Variants in MTCL3 observed in about 807,000 individuals in gnomAD.
MTCL3 encodes MTCL family member 3.
chr6:127,508,995 TACATG>T, the MTCL3 span, among the ~76,000 whole-genome samples: 4 of 152,240 alleles, frequency 2.6e-5, no homozygotes, highest in Non-Finnish European at 5.9e-5. Context: ...AGTTGTTGTT[TACATG>T]ACATAACTTT....
chr6:127,498,175 A>G, the MTCL3 span, among the ~76,000 whole-genome samples: 1 of 152,256 alleles, frequency 6.6e-6, no homozygotes, highest in Non-Finnish European at 1.5e-5. Flanking sequence ...AGAAGAAAAC[A>G]TTTTCAAATC....
the MTCL3 span, chr6:127,516,599 T>C: frequency 6.3e-7 from 1 of 1,596,592 alleles, no homozygotes; most frequent in Non-Finnish European, 8.5e-7. Flanking sequence ...GCGCCCCCGA[T>C]TGGTGGCTGA....
chr6:127,499,533 A>G, the MTCL3 span, among the ~76,000 whole-genome samples: 2 of 152,380 alleles, frequency 1.3e-5, no homozygotes, highest in African/African-American at 2.4e-5. Flanking sequence ...TATCAAATCT[A>G]TAATACAAGA....
the MTCL3 span, among the ~76,000 whole-genome samples, chr6:127,486,734 TAGAG>T: frequency 6.6e-6 from 1 of 152,146 alleles, no homozygotes; most frequent in East Asian, 1.9e-4. Context: ...GGCCAGGAAT[TAGAG>T]AGTTTTGCCA....
chr6:127,514,883 G>A, the MTCL3 span: 15 of 1,614,018 alleles, frequency 9.3e-6, no homozygotes, highest in African/African-American at 2.0e-4. Context: ...TCTGGGCGTA[G>A]CGGAGCCTTT....
At chr6:127,499,189 A>G in the MTCL3 span, among the ~76,000 whole-genome samples, 1 of 152,202 alleles carries the variant, frequency 6.6e-6, no homozygotes, top group Non-Finnish European at 1.5e-5. Context: ...AGATAGCGTT[A>G]GAAAATATTG....
At chr6:127,495,885 A>T in the MTCL3 span, among the ~76,000 whole-genome samples, 3 of 152,146 alleles carry the variant, frequency 2.0e-5, no homozygotes, top group African/African-American at 7.2e-5. Context: ...GAACGGGTAA[A>T]GTTGGGTCTA....
At chr6:127,501,634 G>A in the MTCL3 span, among the ~76,000 whole-genome samples, 1 of 152,194 alleles carries the variant, frequency 6.6e-6, no homozygotes, top group Non-Finnish European at 1.5e-5. Context: ...CTAGCCAGCA[G>A]ATCAATGTAG....
chr6:127,475,747 T>C, the MTCL3 span: 1 of 1,601,314 alleles, frequency 6.2e-7, no homozygotes, highest in South Asian at 1.1e-5. The surrounding 1 kb of genome is among the most constrained non-coding windows in gnomAD (Gnocchi z 7.3). Flanking sequence ...GTCGCTCTCC[T>C]TCTTGCCCGC....
chr6:127,509,675 A>G, the MTCL3 span, among the ~76,000 whole-genome samples: 1 of 152,168 alleles, frequency 6.6e-6, no homozygotes, highest in Non-Finnish European at 1.5e-5. Context: ...TCACCAAATT[A>G]ACCAAGTTGG....
chr6:127,480,197 C>T, the MTCL3 span, among the ~76,000 whole-genome samples: 1 of 152,206 alleles, frequency 6.6e-6, no homozygotes, highest in South Asian at 2.1e-4. Context: ...AAATTGCATT[C>T]TAATCGATTA....
chr6:127,513,153 G>T, the MTCL3 span: 1 of 1,029,256 alleles, frequency 9.7e-7, no homozygotes, highest in Non-Finnish European at 1.4e-6. Flanking sequence ...TTTATATGGT[G>T]TTTACCATGT....
the MTCL3 span, among the ~76,000 whole-genome samples, chr6:127,479,851 G>A: frequency 1.3e-5 from 2 of 152,150 alleles, no homozygotes; most frequent in Non-Finnish European, 2.9e-5. Flanking sequence ...TCCTGATCTT[G>A]TAACCCAACT....
chr6:127,515,749 C>G, the MTCL3 span: 1 of 1,599,254 alleles, frequency 6.3e-7, no homozygotes, highest in South Asian at 1.1e-5. This position sits in a 1 kb window ranked among gnomAD's most constrained non-coding sequence, Gnocchi z 4.3. Flanking sequence ...CGGGGAGCTG[C>G]GGCTACTGCT....
the MTCL3 span, chr6:127,516,011 G>T: frequency 2.5e-6 from 4 of 1,590,968 alleles, no homozygotes; most frequent in Non-Finnish European, 3.4e-6. Flanking sequence ...TGCTGAGCGC[G>T]TACGCCTTTC....
chr6:127,518,060 C>T, the MTCL3 span, among the ~76,000 whole-genome samples: 2 of 152,180 alleles, frequency 1.3e-5, no homozygotes, highest in Admixed American at 1.3e-4. Flanking sequence ...AATCCACCTC[C>T]CTTTCTGTTT....
chr6:127,487,499 C>G, the MTCL3 span, among the ~76,000 whole-genome samples: 3 of 152,160 alleles, frequency 2.0e-5, no homozygotes, highest in African/African-American at 7.2e-5. Flanking sequence ...AAGGTAGAAG[C>G]TCTGTCTCCA....
the MTCL3 span, among the ~76,000 whole-genome samples, chr6:127,513,618 T>G: frequency 6.6e-6 from 1 of 152,230 alleles, no homozygotes; most frequent in Non-Finnish European, 1.5e-5. Context: ...ATTTTTTGAA[T>G]GACTGTGCAT....
the MTCL3 span, chr6:127,475,210 C>A: frequency 1.5e-5 from 21 of 1,435,410 alleles, no homozygotes; most frequent in Non-Finnish European, 2.0e-5. The surrounding 1 kb of genome is among the most constrained non-coding windows in gnomAD (Gnocchi z 7.3). Flanking sequence ...GCGCGGCAGT[C>A]CGGGCGCCGA....
Sources: allele counts gnomAD v4.1 joint callset (sites outside exome capture counted in the v4.1 genomes callset), GRCh38; gene constraint gnomAD v4.1.1; non-coding constraint Gnocchi (gnomAD v3.1); transcripts MANE v1.5; gene names NCBI Gene and HGNC (gene_info 2026-07-23, HGNC 2026-07-21).